The following DNAJC15 variants were observed in gnomAD, a reference collection of about 807,000 sequenced individuals.
DNAJC15 encodes dnaJ homolog subfamily C member 15.
DNAJC15 carries 27 observed loss-of-function variants against 22.4 expected under a neutral mutation model. The observed-to-expected ratio is 1.20, with a 90% CI of 0.89 to 1.66. The LOEUF (loss-of-function observed/expected upper bound fraction) is 1.66, where lower values mean the gene tolerates loss of function less well. DNAJC15 is among the 40% of genes most tolerant of loss of function. The pLI is 0.00. For missense variants in DNAJC15, 208 were observed against 187.1 expected, an observed-to-expected ratio of 1.11 and a Z score of -0.65; for synonymous variants, 79 against 63.2, an observed-to-expected ratio of 1.25 and a Z score of -1.19.
At chr13:43,086,567 C>T (rs926009180) in intron 5 of DNAJC15, among the ~76,000 whole-genome samples, 4 of 152,188 alleles carry the variant, frequency 2.6e-5, no homozygotes, top group African/African-American at 9.7e-5. Flanking sequence ...GATTCCTCTC[C>T]ATCCTAACCA....
intron 1 of DNAJC15, among the ~76,000 whole-genome samples, chr13:43,055,041 A>G (rs577266872): frequency 2.1e-5 from 3 of 141,856 alleles, no homozygotes; most frequent in East Asian, 4.4e-4. Context: ...CTTTCCCTTT[A>G]GGACATCAAG....
At chr13:43,059,825 G>A (rs765225842) in intron 1 of DNAJC15, among the ~76,000 whole-genome samples, 6 of 152,312 alleles carry the variant, frequency 3.9e-5, no homozygotes, top group Non-Finnish European at 7.3e-5. Flanking sequence ...TGGGATAGGC[G>A]GTGCAGTTAG....
intron 1 of DNAJC15, among the ~76,000 whole-genome samples, chr13:43,026,042 A>G (rs1290481625): frequency 1.3e-5 from 2 of 152,258 alleles, no homozygotes; most frequent in Non-Finnish European, 2.9e-5. Context: ...TGTGTATGTG[A>G]CAGCTACCAA....
intron 1 of DNAJC15, among the ~76,000 whole-genome samples, chr13:43,065,403 GA>G (rs1195018228): frequency 6.6e-6 from 1 of 152,044 alleles, no homozygotes; most frequent in Non-Finnish European, 1.5e-5. Flanking sequence ...ATCGTCTATA[GA>G]AAAAATTATA....
chr13:43,051,829 A>G (rs1313458189), intron 1 of DNAJC15, among the ~76,000 whole-genome samples: 2 of 152,208 alleles, frequency 1.3e-5, no homozygotes, highest in East Asian at 1.9e-4. Flanking sequence ...GCTGGATCAA[A>G]CAGCAGTTCT....
rs79447253 is a variant in DNAJC15, at chr13:43,111,852, A to G, written c.*4604A>G. ...GCAACCCAAAGAGCAAATCCTATTA[A>G]TGGCTGGATCAGTATCATCTACTTG... On this transcript the variant is annotated 3_prime_UTR_variant, in exon 6 of 6. Coordinates refer to ENST00000379221, the MANE Select transcript of DNAJC15 (RefSeq NM_013238.3). The G allele has an allele frequency of 6.6e-6, 1 of 152,252 alleles. No homozygotes were observed. The highest frequency in any genetic ancestry group is 1.5e-5 in the Non-Finnish European group (1 of 68,052). 9.4% of individuals were successfully genotyped at this position (152,252 alleles called of 1,614,324 possible). A position where few individuals can be genotyped will look rare whatever the true frequency, so the allele number is the denominator to read the frequency against.
intron 1 of DNAJC15, among the ~76,000 whole-genome samples, chr13:43,063,502 T>G (rs918175307): frequency 2.0e-5 from 3 of 152,188 alleles, no homozygotes; most frequent in African/African-American, 7.2e-5. Context: ...ATCTTTATAA[T>G]CTGATATTAA....
chr13:43,062,428 G>A (rs12429891), intron 1 of DNAJC15, among the ~76,000 whole-genome samples: 31,770 of 152,180 alleles, frequency 0.21, 4,351 homozygotes, highest in Non-Finnish European at 0.3. Context: ...AATAAGGCAA[G>A]GCAGAGATGC....
At chr13:43,076,916 T>G (rs1023543350) in intron 3 of DNAJC15, among the ~76,000 whole-genome samples, 2 of 152,242 alleles carry the variant, frequency 1.3e-5, no homozygotes, top group African/African-American at 4.8e-5. Flanking sequence ...TTCCTCACTC[T>G]TGACTTGTAG....
intron 1 of DNAJC15, among the ~76,000 whole-genome samples, chr13:43,031,896 C>T (rs536744851): frequency 2.0e-5 from 3 of 152,216 alleles, no homozygotes; most frequent in African/African-American, 7.2e-5. Context: ...TAATATAAAA[C>T]AAGGGAAATG....
At chr13:43,103,146 C>G (rs58179527) in intron 5 of DNAJC15, among the ~76,000 whole-genome samples, 15 of 152,168 alleles carry the variant, frequency 9.9e-5, no homozygotes, top group African/African-American at 3.6e-4. Flanking sequence ...TCTTCCTTGA[C>G]GCATGAGTTA....
rs112724247 is a variant in DNAJC15 at position 43,066,038 on chromosome 13, G to A, written c.160+301G>A. ...CTATAAAAAGAAATTTTAATATTAT[G>A]CAATGTAAGTGGCATGGAGTGCCTT... On this transcript the variant is annotated intron_variant, in intron 2 of 5. Coordinates refer to ENST00000379221, the MANE Select transcript of DNAJC15 (RefSeq NM_013238.3). Among the ~76,000 whole-genome samples the A allele has an allele frequency of 3.9e-3, 597 of 152,108 alleles. 4 individuals carry two copies. The highest frequency in any genetic ancestry group is 0.013 in the African/African-American group (559 of 41,494).
At chr13:43,105,838 A>G (rs1030259853) in intron 5 of DNAJC15, among the ~76,000 whole-genome samples, 3 of 152,318 alleles carry the variant, frequency 2.0e-5, no homozygotes, top group Admixed American at 6.5e-5. Flanking sequence ...ATTGTCTTCA[A>G]AGATAATCAT....
At chr13:43,096,733 C>T (rs947182907) in intron 5 of DNAJC15, among the ~76,000 whole-genome samples, 1 of 152,178 alleles carries the variant, frequency 6.6e-6, no homozygotes, top group African/African-American at 2.4e-5. Context: ...TCTGATTTTT[C>T]ACCCTTTGTA....
At chr13:43,090,514 A>T (rs557797862) in intron 5 of DNAJC15, among the ~76,000 whole-genome samples, 1 of 152,186 alleles carries the variant, frequency 6.6e-6, no homozygotes, top group African/African-American at 2.4e-5. Context: ...ACATAGACTT[A>T]GGCAAAGATT....
intron 5 of DNAJC15, among the ~76,000 whole-genome samples, chr13:43,088,679 A>G (rs2040700510): frequency 6.6e-6 from 1 of 152,194 alleles, no homozygotes; most frequent in Non-Finnish European, 1.5e-5. Flanking sequence ...AATTATTCTC[A>G]TTGTAAAGTA....
intron 5 of DNAJC15, among the ~76,000 whole-genome samples, chr13:43,094,205 C>G (rs549311738): frequency 6.6e-5 from 10 of 151,794 alleles, no homozygotes; most frequent in Non-Finnish European, 1.3e-4. Context: ...TTTTTCCCAT[C>G]TGTGATTTTG....
chr13:43,096,687 C>T (rs2040741331), intron 5 of DNAJC15, among the ~76,000 whole-genome samples: 1 of 152,128 alleles, frequency 6.6e-6, no homozygotes, highest in African/African-American at 2.4e-5. Context: ...TAAAAATGGC[C>T]ACAGATTCTT....
chr13:43,100,718 CA>C (rs1301382390), intron 5 of DNAJC15, among the ~76,000 whole-genome samples: 1 of 152,096 alleles, frequency 6.6e-6, no homozygotes, highest in African/African-American at 2.4e-5. Context: ...GTCCTCTGTG[CA>C]TTTGAGAAAA....
Sources: gnomAD v4.1 joint callset for allele counts (sites outside exome capture counted in the v4.1 genomes callset) on GRCh38, gnomAD v4.1.1 for gene constraint, MANE v1.5 for transcripts, NCBI Gene and HGNC (gene_info 2026-07-23, HGNC 2026-07-21) for gene names.